CSMD1: variants seen among roughly 807,000 people sequenced by gnomAD.
CSMD1 encodes CUB and sushi domain-containing protein 1.
In CSMD1, 213 loss-of-function variants were observed where a neutral mutation model predicts 417.5. The observed-to-expected ratio is 0.51, with a 90% CI of 0.46 to 0.57. CSMD1 has a LOEUF of 0.57. Ranked by LOEUF, CSMD1 falls within the 20% of genes least tolerant of loss-of-function variation. The probability of loss-of-function intolerance (pLI) is 0.00; values close to 1 mark genes in which losing one functional copy is unlikely to be tolerated. For missense variants in CSMD1, 6,923 were observed against 4,529.7 expected (o/e 1.53, Z -15.17); for synonymous variants, 2,862 against 1,736.8 (o/e 1.65, Z -16.11).
chr8:3,888,650 G>C (rs1054766339), intron 5 of CSMD1, among the ~76,000 whole-genome samples: 1 of 152,088 alleles, frequency 6.6e-6, no homozygotes, highest in Non-Finnish European at 1.5e-5. Flanking sequence ...CTATCATGTT[G>C]AGATTAATCT....
At chr8:4,113,922 T>C (rs1384713446) in intron 3 of CSMD1, among the ~76,000 whole-genome samples, 1 of 152,198 alleles carries the variant, frequency 6.6e-6, no homozygotes, top group Non-Finnish European at 1.5e-5. Context: ...CAGCAGAGAC[T>C]GGTTCATAAG....
chr8:4,157,010 G>C (rs58487371), intron 3 of CSMD1, among the ~76,000 whole-genome samples: 1 of 152,240 alleles, frequency 6.6e-6, no homozygotes, highest in East Asian at 1.9e-4. Flanking sequence ...AGTAGGGGTG[G>C]TGGCCAGGCA....
chr8:4,944,350 G>C (rs374691048), intron 1 of CSMD1, among the ~76,000 whole-genome samples: 4 of 152,124 alleles, frequency 2.6e-5, no homozygotes, highest in East Asian at 1.9e-4. Flanking sequence ...AGTGAGTTTG[G>C]GTTTAAATTA....
chr8:3,507,847 G>A (rs564948004), intron 10 of CSMD1, among the ~76,000 whole-genome samples: 1 of 152,034 alleles, frequency 6.6e-6, no homozygotes, highest in Non-Finnish European at 1.5e-5. Context: ...ACTTTTTGAT[G>A]GGGTTGTTTG....
At chr8:3,435,061 T>G (rs1283877668) in intron 12 of CSMD1, among the ~76,000 whole-genome samples, 1 of 151,970 alleles carries the variant, frequency 6.6e-6, no homozygotes, top group Non-Finnish European at 1.5e-5. Flanking sequence ...AAGCCCCTGG[T>G]GGGAGCTGCT....
chr8:3,775,184 A>C (rs1357201258), intron 5 of CSMD1, among the ~76,000 whole-genome samples: 2 of 152,248 alleles, frequency 1.3e-5, no homozygotes, highest in Non-Finnish European at 2.9e-5. Context: ...TACCAAACTT[A>C]AGTCCAAAAA....
chr8:4,916,028 T>C (rs558206331), intron 1 of CSMD1, among the ~76,000 whole-genome samples: 1 of 152,164 alleles, frequency 6.6e-6, no homozygotes, highest in Non-Finnish European at 1.5e-5. Flanking sequence ...CCCTCGTTCA[T>C]AGAATACACT....
chr8:3,960,556 A>G (rs2129975266), intron 5 of CSMD1, among the ~76,000 whole-genome samples: 1 of 152,284 alleles, frequency 6.6e-6, no homozygotes, highest in South Asian at 2.1e-4. Context: ...AAGCATTTTT[A>G]GTCTTGAGGA....
chr8:3,219,540 T>C (rs911464602), intron 28 of CSMD1, 98 bp from the exon 29 acceptor site: 7 of 887,284 alleles, frequency 7.9e-6, no homozygotes, highest in Admixed American at 3.5e-5. Flanking sequence ...TATTTGCTTT[T>C]GTATAATGAT....
intron 1 of CSMD1, among the ~76,000 whole-genome samples, chr8:4,707,180 A>C (rs1478939192): frequency 1.3e-5 from 2 of 152,228 alleles, no homozygotes; most frequent in Non-Finnish European, 2.9e-5. Context: ...CCTCTTATTG[A>C]ATAGTTATTG....
chr8:4,831,539 A>G (rs1234010519), intron 1 of CSMD1, among the ~76,000 whole-genome samples: 3 of 152,098 alleles, frequency 2.0e-5, no homozygotes, highest in Non-Finnish European at 4.4e-5. Flanking sequence ...ATATCAGAAG[A>G]TAATGTGTCT....
At chr8:4,187,486 A>G (rs1364760533) in intron 3 of CSMD1, among the ~76,000 whole-genome samples, 2 of 152,106 alleles carry the variant, frequency 1.3e-5, no homozygotes, top group South Asian at 2.1e-4. Context: ...GCTACTAAAA[A>G]TACAAAAAAT....
rs575263511 is a variant in CSMD1, at chr8:4,022,534, G to A, written c.610+9371C>T. 5.3e-5 allele frequency among the ~76,000 whole-genome samples: 8 copies of A among 152,270 alleles called. No homozygotes were observed. In the East Asian group the frequency reaches 9.6e-4, roughly 18 times the overall value. On this transcript the variant is annotated intron_variant, in intron 4 of 69. Coordinates refer to ENST00000635120, the MANE Select transcript of CSMD1 (RefSeq NM_033225.6). Reference sequence around the variant, plus strand: ...TAGAAAGCATTTGAGGTGAAACTGAGGCACAAGAAGGTGTCATGAAACAGG... The same window carrying A: ...TAGAAAGCATTTGAGGTGAAACTGAAGCACAAGAAGGTGTCATGAAACAGG...
At chr8:4,540,737 A>C (rs1797340114) in intron 2 of CSMD1, among the ~76,000 whole-genome samples, 1 of 152,164 alleles carries the variant, frequency 6.6e-6, no homozygotes, top group East Asian at 1.9e-4. Flanking sequence ...AAGCTGTGCC[A>C]GGTACTAAGG....
intron 7 of CSMD1, among the ~76,000 whole-genome samples, chr8:3,641,008 T>G (rs1355924738): frequency 1.3e-5 from 2 of 151,564 alleles, no homozygotes; most frequent in Non-Finnish European, 2.9e-5. Flanking sequence ...ATCCTCTATT[T>G]TGTGTTCCTT....
At chr8:4,944,548 G>A (rs1031324080) in intron 1 of CSMD1, among the ~76,000 whole-genome samples, 1 of 152,144 alleles carries the variant, frequency 6.6e-6, no homozygotes. Flanking sequence ...ACTAAAAGGA[G>A]TCTACAGTCC....
Position 3,441,062 on chromosome 8 carries a change from T to C in CSMD1, c.1561+27650A>G, listed in dbSNP as rs139841147. Among the ~76,000 whole-genome samples, 36 of 152,194 alleles carry C rather than the reference T, an allele frequency of 2.4e-4. No homozygotes were observed. The East Asian group carries it at 5.0e-3, about 21-fold the overall frequency. ...TACGAATGCCTTTGTATGAAACACA[T>C]AGAGGAGAAAACAGACACCAAGAGA... On this transcript the variant is annotated intron_variant, in intron 12 of 69. Coordinates refer to ENST00000635120, the MANE Select transcript of CSMD1 (RefSeq NM_033225.6).
rs116918279 is a variant in CSMD1 at position 3,469,401 on chromosome 8, A to G, written c.1449-577T>C. Among the ~76,000 whole-genome samples, 947 of 152,332 alleles carry G rather than the reference A, an allele frequency of 6.2e-3. 6 individuals are homozygous for G. Among genetic ancestry groups the G allele is most frequent in the Admixed American group, 0.014 (212 of 15,294 alleles). ...GAAAAGAACAACATGCATAGCTGAA[A>G]TAGATTTGGCAGCATTTATTGAACA... On this transcript the variant is annotated intron_variant, in intron 11 of 69. Coordinates refer to ENST00000635120, the MANE Select transcript of CSMD1 (RefSeq NM_033225.6).
At chr8:3,900,462 G>C (rs914997511) in intron 5 of CSMD1, among the ~76,000 whole-genome samples, 4 of 151,694 alleles carry the variant, frequency 2.6e-5, no homozygotes, top group Non-Finnish European at 2.9e-5. Context: ...TAACAGTGCA[G>C]CTGGGTGACA....
Sources: allele counts gnomAD v4.1 joint callset (sites outside exome capture counted in the v4.1 genomes callset), GRCh38; gene constraint gnomAD v4.1.1; transcripts MANE v1.5; gene names NCBI Gene and HGNC (gene_info 2026-07-23, HGNC 2026-07-21).